Variants in TTC28 observed in about 807,000 individuals in gnomAD.
TTC28 encodes the protein tetratricopeptide repeat protein 28.
In TTC28, 61 loss-of-function variants were observed where a neutral mutation model predicts 198.0. The observed-to-expected ratio is 0.31, with a 90% confidence interval of 0.25 to 0.38. The LOEUF is 0.38. Ranked by LOEUF, TTC28 falls within the 10% of genes least tolerant of loss-of-function variation. The pLI, the probability that TTC28 is intolerant of heterozygous loss-of-function variation, is 1.00. For synonymous variants in TTC28, 1,171 were observed against 1,297.8 expected, an observed-to-expected ratio of 0.90 and a Z score of 2.10; for missense variants, 2,678 against 3,164.0, an observed-to-expected ratio of 0.85 and a Z score of 3.69.
chr22:28,318,810 TTC>T (rs1432675568), intron 2 of TTC28, among the ~76,000 whole-genome samples: 4 of 134,150 alleles, frequency 3.0e-5, no homozygotes, highest in African/African-American at 8.3e-5. Context: ...GGGAAGTGTA[TTC>T]TTTTTTTTTT....
intron 2 of TTC28, among the ~76,000 whole-genome samples, chr22:28,346,551 CT>C (rs796626456): frequency 2.0e-5 from 3 of 152,188 alleles, no homozygotes; most frequent in South Asian, 4.1e-4. Flanking sequence ...GATCCAAAAG[CT>C]GTCACCACCT....
intron 2 of TTC28, among the ~76,000 whole-genome samples, chr22:28,337,362 G>A (rs1262172777): frequency 6.6e-6 from 1 of 152,146 alleles, no homozygotes; most frequent in Non-Finnish European, 1.5e-5. Flanking sequence ...AGGTCCGCTT[G>A]GTGTAGAGCT....
At chr22:28,581,767 A>G (rs1476917476) in intron 2 of TTC28, among the ~76,000 whole-genome samples, 1 of 152,214 alleles carries the variant, frequency 6.6e-6, no homozygotes, top group Non-Finnish European at 1.5e-5. Flanking sequence ...AAACAAAAGA[A>G]CATTTCTTCC....
intron 5 of TTC28, among the ~76,000 whole-genome samples, chr22:28,255,193 G>A (rs1023515269): frequency 2.0e-5 from 3 of 151,972 alleles, no homozygotes; most frequent in Admixed American, 1.3e-4. Context: ...AAGACCACAC[G>A]AGAGAGCCAT....
intron 5 of TTC28, among the ~76,000 whole-genome samples, chr22:28,230,882 C>G (rs961003657): frequency 1.7e-4 from 26 of 152,144 alleles, no homozygotes; most frequent in African/African-American, 5.8e-4. Context: ...TTACTCAATT[C>G]TGTGTGTGAG....
At chr22:28,249,257 C>T (rs1323300432) in intron 5 of TTC28, among the ~76,000 whole-genome samples, 1 of 152,018 alleles carries the variant, frequency 6.6e-6, no homozygotes. Flanking sequence ...ACAGTATCTG[C>T]CCCACTGGGT....
At chr22:28,605,494 A>G (rs2050714293) in intron 2 of TTC28, among the ~76,000 whole-genome samples, 1 of 152,178 alleles carries the variant, frequency 6.6e-6, no homozygotes, top group African/African-American at 2.4e-5. Flanking sequence ...CATGTACCCA[A>G]GAAGAGACAG....
At position 28,101,191 on chromosome 22, in the gene TTC28, A is replaced by T. The variant is rs1449301870; in HGVS notation, c.3397T>A (p.Leu1133Met). The T allele has an allele frequency of 6.4e-7, 1 of 1,551,330 alleles. No homozygotes were observed. Among genetic ancestry groups the T allele is most frequent in the Admixed American group, 2.0e-5 (1 of 50,942 alleles). Reference protein sequence around the residue: ...LGLSLWASGNLEEAQHQLYRA... With the variant: ...LGLSLWASGNMEEAQHQLYRA... ...CTTACCTGGTGTTGGGCCTCCTCCA[A>T]GTTTCCACTAGCCCAAAGGGAGAGG... is the stretch of plus-strand genomic sequence containing the variant. The change falls in exon 9 of 23, where the codon TTG (leucine) becomes ATG (methionine). Residue 1133 changes from leucine (L) to methionine (M), a missense_variant. Around this residue, in one of 8 missense-constraint regions of TTC28, gnomAD observed 727 missense variants for 861.9 expected, o/e 0.84. Coordinates refer to ENST00000397906, the MANE Select transcript of TTC28 (RefSeq NM_001145418.2).
chr22:28,507,693 G>A (rs944564717), intron 2 of TTC28, among the ~76,000 whole-genome samples: 4 of 152,226 alleles, frequency 2.6e-5, no homozygotes, highest in African/African-American at 9.6e-5. Flanking sequence ...AAGCCTATCA[G>A]ACTAATAGCA....
intron 2 of TTC28, among the ~76,000 whole-genome samples, chr22:28,605,664 T>C (rs911799417): frequency 1.7e-4 from 26 of 152,250 alleles, no homozygotes; most frequent in Non-Finnish European, 2.2e-4. Context: ...TCTCATATTA[T>C]AGATTTTTAT....
At chr22:28,230,056 C>A (rs1928683872) in intron 5 of TTC28, among the ~76,000 whole-genome samples, 1 of 152,060 alleles carries the variant, frequency 6.6e-6, no homozygotes, top group African/African-American at 2.4e-5. Context: ...CTGACAGATA[C>A]CAGTTGGAAA....
intron 2 of TTC28, among the ~76,000 whole-genome samples, chr22:28,521,169 C>T (rs770322443): frequency 3.3e-5 from 5 of 151,672 alleles, no homozygotes; most frequent in Admixed American, 6.6e-5. Flanking sequence ...GAGGCCAAGG[C>T]GAGAGGATAG....
At chr22:28,157,747 T>C (rs1444512297) in intron 6 of TTC28, among the ~76,000 whole-genome samples, 2 of 152,038 alleles carry the variant, frequency 1.3e-5, no homozygotes, top group African/African-American at 4.8e-5. Flanking sequence ...AAAAACGGGA[T>C]ATAGAAGGAA....
intron 2 of TTC28, among the ~76,000 whole-genome samples, chr22:28,516,223 A>C (rs563374551): frequency 6.6e-6 from 1 of 152,174 alleles, no homozygotes; most frequent in African/African-American, 2.4e-5. Context: ...AACATTTTTA[A>C]ATAGTAAACT....
At chr22:28,159,753 A>C (rs1010163964) in intron 6 of TTC28, among the ~76,000 whole-genome samples, 2 of 152,114 alleles carry the variant, frequency 1.3e-5, no homozygotes, top group Admixed American at 1.3e-4. Flanking sequence ...TGTCGAAGAG[A>C]TATCTGTACT....
chr22:28,493,467 T>G (rs759911025), intron 2 of TTC28, among the ~76,000 whole-genome samples: 2 of 152,182 alleles, frequency 1.3e-5, no homozygotes, highest in Non-Finnish European at 2.9e-5. Context: ...AAAACATTCA[T>G]TCTGTCTTTC....
At chr22:28,085,083 C>T (rs150217208) in intron 12 of TTC28, among the ~76,000 whole-genome samples, 11,835 of 152,168 alleles carry the variant, frequency 0.078, 636 homozygotes, top group South Asian at 0.22. Flanking sequence ...GTGGAAAACA[C>T]TCTGCAGGAT....
chr22:28,289,080 G>T (rs961507747), intron 5 of TTC28, among the ~76,000 whole-genome samples: 2 of 152,192 alleles, frequency 1.3e-5, no homozygotes, highest in African/African-American at 4.8e-5. Flanking sequence ...CTAGGTAAAA[G>T]AGATGGGAGG....
chr22:28,474,937 G>C (rs929741371), intron 2 of TTC28, among the ~76,000 whole-genome samples: 1 of 151,932 alleles, frequency 6.6e-6, no homozygotes, highest in African/African-American at 2.4e-5. Context: ...ATTTCAAAAA[G>C]CTAATCATTA....
Sources: allele counts gnomAD v4.1 joint callset (sites outside exome capture counted in the v4.1 genomes callset), GRCh38; gene constraint gnomAD v4.1.1; regional missense constraint gnomAD v4.1.1; transcripts MANE v1.5; gene names NCBI Gene and HGNC (gene_info 2026-07-23, HGNC 2026-07-21).